Variants in RGPD2 observed in about 807,000 individuals in gnomAD.
The protein encoded by RGPD2 is RANBP2 like and GRIP domain containing 2.
A neutral mutation model predicts 36.0 loss-of-function variants in RGPD2; 2 were observed. That is an observed-to-expected ratio of 0.06 (90% CI 0.02 to 0.17). The LOEUF (loss-of-function observed/expected upper bound fraction) is 0.17. RGPD2 is among the 10% of genes least tolerant of loss of function. RGPD2 has a pLI of 1.00. For missense variants in RGPD2, 40 were observed against 464.3 expected, an observed-to-expected ratio of 0.09 and a Z score of 8.40; for synonymous variants, 19 against 163.8, an observed-to-expected ratio of 0.12 and a Z score of 6.75.
the RGPD2 span, chr2:87,972,971 G>A: frequency 5.0e-5 from 80 of 1,613,922 alleles, 2 homozygotes; most frequent in South Asian, 8.5e-4. Context: ...CCATGGGGCT[G>A]GTCCTTTCCC....
chr2:87,934,496 G>A, the RGPD2 span, among the ~76,000 whole-genome samples: 1 of 143,198 alleles, frequency 7.0e-6, no homozygotes, highest in African/African-American at 2.6e-5. Context: ...TACCACCAAC[G>A]GTTACATGGT....
the RGPD2 span, among the ~76,000 whole-genome samples, chr2:87,986,797 CT>C: frequency 1.3e-5 from 2 of 151,004 alleles, no homozygotes; most frequent in Non-Finnish European, 2.9e-5. Flanking sequence ...GGAGAATCAC[CT>C]GAACCCGGGA....
chr2:87,916,515 A>G, the RGPD2 span, among the ~76,000 whole-genome samples: 1 of 119,438 alleles, frequency 8.4e-6, no homozygotes, highest in Non-Finnish European at 1.7e-5. Flanking sequence ...TGTAATACCC[A>G]GTGTTGGAGG....
At chr2:87,831,173 A>T in the RGPD2 span, among the ~76,000 whole-genome samples, 3 of 152,216 alleles carry the variant, frequency 2.0e-5, no homozygotes, top group Admixed American at 6.5e-5. Flanking sequence ...TCTCAAACTT[A>T]GGCCATATAA....
At chr2:87,843,652 G>A in the RGPD2 span, among the ~76,000 whole-genome samples, 2 of 151,116 alleles carry the variant, frequency 1.3e-5, no homozygotes, top group South Asian at 2.1e-4. Flanking sequence ...AAGTCAGTGT[G>A]GCAATTCCTC....
the RGPD2 span, chr2:87,985,775 G>C: frequency 6.2e-7 from 1 of 1,610,612 alleles, no homozygotes; most frequent in Non-Finnish European, 8.5e-7. Context: ...TCACGTTCAT[G>C]AGACAAGTCA....
the RGPD2 span, among the ~76,000 whole-genome samples, chr2:87,936,251 G>A: frequency 1.3e-5 from 2 of 151,680 alleles, no homozygotes; most frequent in Non-Finnish European, 2.9e-5. Flanking sequence ...TGTTAAAATC[G>A]CTGAGGATCA....
At chr2:87,929,392 A>C in the RGPD2 span, among the ~76,000 whole-genome samples, 1 of 150,058 alleles carries the variant, frequency 6.7e-6, no homozygotes, top group African/African-American at 2.4e-5. Context: ...CTGTTTTTGT[A>C]CAAGTATTGT....
the RGPD2 span, among the ~76,000 whole-genome samples, chr2:87,864,610 A>T: frequency 8.0e-6 from 1 of 125,196 alleles, no homozygotes; most frequent in Non-Finnish European, 1.9e-5. Flanking sequence ...AGATAGATAG[A>T]TAGATAGATA....
At chr2:87,854,691 AT>A in the RGPD2 span, among the ~76,000 whole-genome samples, 30 of 151,956 alleles carry the variant, frequency 2.0e-4, no homozygotes, top group African/African-American at 7.3e-4. Flanking sequence ...ATTGTTCCAT[AT>A]TTTTTCATGG....
At chr2:87,826,082 A>G (rs1375309242), upstream of RGPD2, 13 of 298,190 alleles carry the variant, frequency 4.4e-5, no homozygotes, top group Non-Finnish European at 7.8e-5. Flanking sequence ...AACTTGTTCC[A>G]ATCTGCTATA....
chr2:87,945,796 G>C, the RGPD2 span, among the ~76,000 whole-genome samples: 1 of 152,210 alleles, frequency 6.6e-6, no homozygotes, highest in Non-Finnish European at 1.5e-5. Flanking sequence ...TTTTTGTAGA[G>C]ACAGGATCTC....
chr2:87,915,576 G>GTGTGTGTATATACACATATA, the RGPD2 span, among the ~76,000 whole-genome samples: 13 of 140,786 alleles, frequency 9.2e-5, no homozygotes, highest in Non-Finnish European at 1.5e-4. Context: ...ACACATATAT[G>GTGTGTGTATATACACATATA]TGTGTGTATA....
intron 7 of RGPD2, among the ~76,000 whole-genome samples, chr2:87,805,801 A>C (rs1273733489): frequency 6.6e-6 from 1 of 152,018 alleles, no homozygotes; most frequent in South Asian, 2.1e-4. Context: ...TGGAGCTTGC[A>C]GTGAGCCGAG....
the RGPD2 span, among the ~76,000 whole-genome samples, chr2:87,839,602 G>T: frequency 6.6e-6 from 1 of 151,972 alleles, no homozygotes; most frequent in African/African-American, 2.4e-5. Context: ...TAATAAAGAA[G>T]AAAATTGTGT....
At chr2:87,830,818 G>C in the RGPD2 span, among the ~76,000 whole-genome samples, 36 of 151,986 alleles carry the variant, frequency 2.4e-4, no homozygotes, top group Admixed American at 6.6e-4. Context: ...ACTATCACGA[G>C]AACAGCACTG....
At chr2:87,824,862 GGCCGCC>G (rs533529835) in intron 1 of RGPD2, 13 of 37,506 alleles carry the variant, frequency 3.5e-4, no homozygotes, top group African/African-American at 5.8e-4. Context: ...CCGAGGCCGA[GGCCGCC>G]GCCGCCGCCG....
chr2:87,957,918 C>G, the RGPD2 span, among the ~76,000 whole-genome samples: 2 of 152,280 alleles, frequency 1.3e-5, no homozygotes, highest in Non-Finnish European at 2.9e-5. Context: ...CATGGATGCA[C>G]TAAGTATATA....
At chr2:87,974,126 C>G in the RGPD2 span, among the ~76,000 whole-genome samples, 2 of 145,422 alleles carry the variant, frequency 1.4e-5, no homozygotes, top group African/African-American at 5.1e-5. Flanking sequence ...CTGTGAGGTT[C>G]TTTTTGTTAG....
Sources: allele counts gnomAD v4.1 joint callset (sites outside exome capture counted in the v4.1 genomes callset), GRCh38; gene constraint gnomAD v4.1.1; transcripts MANE v1.5; gene names NCBI Gene and HGNC (gene_info 2026-07-23, HGNC 2026-07-21).